The following ZMIZ1 variants were observed in gnomAD, a reference collection of about 807,000 sequenced individuals.
ZMIZ1 encodes the protein zinc finger MIZ-type containing 1.
In ZMIZ1, 17 loss-of-function variants were observed where a neutral mutation model predicts 113.9. The ratio of observed to expected loss-of-function variants is 0.15; its 90% CI spans 0.10 to 0.22. The LOEUF (loss-of-function observed/expected upper bound fraction) is 0.22, where lower values mean the gene tolerates loss of function less well. ZMIZ1 is among the 10% of genes least tolerant of loss of function. The pLI is 1.00. For synonymous variants in ZMIZ1, 607 were observed against 603.1 expected (o/e 1.01, Z -0.09); for missense variants, 1,059 against 1,477.8 (o/e 0.72, Z 4.65).
intron 7 of ZMIZ1, among the ~76,000 whole-genome samples, chr10:79,264,024 G>T (rs750193344): frequency 2.6e-5 from 4 of 152,240 alleles, no homozygotes; most frequent in African/African-American, 4.8e-5. Context: ...CTGAGAGCCA[G>T]CAACGGGCAG....
chr10:79,204,660 C>T (rs1038899233), intron 5 of ZMIZ1, among the ~76,000 whole-genome samples: 4 of 152,234 alleles, frequency 2.6e-5, no homozygotes, highest in Admixed American at 2.6e-4. Context: ...TCTAGCATAG[C>T]ATCCAGCTCA....
chr10:79,122,448 G>A (rs1844336478), intron 2 of ZMIZ1, among the ~76,000 whole-genome samples: 1 of 152,092 alleles, frequency 6.6e-6, no homozygotes, highest in African/African-American at 2.4e-5. Context: ...AATCCACCTG[G>A]CTGGGCAGTG....
intron 4 of ZMIZ1, among the ~76,000 whole-genome samples, chr10:79,165,683 C>T (rs1589365586): frequency 1.3e-5 from 2 of 152,300 alleles, no homozygotes; most frequent in East Asian, 3.9e-4. Flanking sequence ...CCCAAGCATT[C>T]AGGCCGGAGA....
chr10:79,174,600 G>A (rs143251039), intron 4 of ZMIZ1, among the ~76,000 whole-genome samples: 9 of 152,368 alleles, frequency 5.9e-5, no homozygotes, highest in Non-Finnish European at 1.3e-4. Flanking sequence ...GGGAAGGGAT[G>A]CTCATGTTGG....
chr10:79,183,553 C>T (rs938557376), intron 4 of ZMIZ1, among the ~76,000 whole-genome samples: 4 of 152,188 alleles, frequency 2.6e-5, no homozygotes, highest in Admixed American at 2.0e-4. Flanking sequence ...GAGACGGTAT[C>T]CCCATGGTTG....
At chr10:79,194,217 A>G (rs527255936) in intron 4 of ZMIZ1, among the ~76,000 whole-genome samples, 147 of 152,350 alleles carry the variant, frequency 9.6e-4, no homozygotes, top group African/African-American at 3.4e-3. Context: ...TTGCCTGTGC[A>G]AGCTGTCATG....
At chr10:79,126,856 C>T (rs1844532117) in intron 2 of ZMIZ1, among the ~76,000 whole-genome samples, 1 of 152,132 alleles carries the variant, frequency 6.6e-6, no homozygotes. Flanking sequence ...TATGGGCTTC[C>T]CCAGCACCTC....
At chr10:79,235,130 G>A (rs112313238) in intron 7 of ZMIZ1, among the ~76,000 whole-genome samples, 6,107 of 152,326 alleles carry the variant, frequency 0.04, 318 homozygotes, top group African/African-American at 0.12. Flanking sequence ...AGACATTCCT[G>A]TGCAGCCTGT....
intron 11 of ZMIZ1, among the ~76,000 whole-genome samples, chr10:79,292,611 G>A (rs1368786593): frequency 6.6e-6 from 1 of 152,106 alleles, no homozygotes; most frequent in Non-Finnish European, 1.5e-5. Context: ...CTGTGTGTTG[G>A]TGGCTCATGT....
chr10:79,255,511 G>C (rs185231647), intron 7 of ZMIZ1, among the ~76,000 whole-genome samples: 1 of 152,168 alleles, frequency 6.6e-6, no homozygotes, highest in African/African-American at 2.4e-5. Flanking sequence ...GTATATCTGC[G>C]TTCCTAACCA....
intron 5 of ZMIZ1, among the ~76,000 whole-genome samples, chr10:79,207,333 C>T (rs1045798611): frequency 6.6e-6 from 1 of 152,228 alleles, no homozygotes. Context: ...CAGGAGGACA[C>T]AGTCAGTTAC....
chr10:79,287,140 ACT>A (rs1452816437), intron 8 of ZMIZ1, among the ~76,000 whole-genome samples: 6 of 151,742 alleles, frequency 4.0e-5, no homozygotes, highest in Non-Finnish European at 1.5e-5. Context: ...TCCCTGTGAG[ACT>A]CTGGTGTGCC....
Position 79,306,186 on chromosome 10 carries a change from C to G in ZMIZ1, c.2510C>G (p.Pro837Arg), listed in dbSNP as rs1854679557. Residue 837 changes from proline to arginine, a missense_variant, in exon 22 of 25, where the codon CCT becomes CGT. Physicochemically the swap from Pro to Arg is moderately radical, Grantham distance 103. Around this residue, in one of 6 missense-constraint regions of ZMIZ1, gnomAD observed 217 missense variants for 426.9 expected, o/e 0.51. Transcript: ENST00000334512. Reference protein sequence around the residue: ...IKSDLHIKDDPDGIPSKRFKT... With the variant: ...IKSDLHIKDDRDGIPSKRFKT... ...TCGGACTTACACATCAAGGACGACC[C>G]TGATGGCATCCCCTCCAAGCGGTTC... is the stretch of plus-strand genomic sequence containing the variant. The G allele has an allele frequency of 1.9e-6, 3 of 1,614,056 alleles. No individual in the cohort carries two copies. Among genetic ancestry groups the G allele is most frequent in the Non-Finnish European group, 2.5e-6 (3 of 1,180,034 alleles).
chr10:79,092,036 G>C (rs1564644999), intron 1 of ZMIZ1, among the ~76,000 whole-genome samples: 1 of 152,150 alleles, frequency 6.6e-6, no homozygotes, highest in Non-Finnish European at 1.5e-5. Flanking sequence ...AGGGGCTGGT[G>C]CTGTTCCCAC....
chr10:79,240,940 A>C (rs890959678), intron 7 of ZMIZ1, among the ~76,000 whole-genome samples: 2 of 152,114 alleles, frequency 1.3e-5, no homozygotes, highest in African/African-American at 4.8e-5. Context: ...GGCTGGCCAC[A>C]TGGTACCAAC....
chr10:79,281,274 G>A (rs1852725724), intron 8 of ZMIZ1, among the ~76,000 whole-genome samples: 3 of 152,188 alleles, frequency 2.0e-5, no homozygotes, highest in Admixed American at 6.5e-5. Flanking sequence ...AAGACTCACT[G>A]GGGCCACGTT....
intron 24 of ZMIZ1, among the ~76,000 whole-genome samples, chr10:79,312,143 A>G (rs1251992782): frequency 6.6e-6 from 1 of 152,214 alleles, no homozygotes; most frequent in African/African-American, 2.4e-5. Flanking sequence ...CCGGGGCCAC[A>G]GGGAAGGATG....
chr10:79,143,859 CAG>C (rs1845373276), intron 3 of ZMIZ1, among the ~76,000 whole-genome samples: 1 of 152,164 alleles, frequency 6.6e-6, no homozygotes, highest in South Asian at 2.1e-4. Flanking sequence ...AGCCCGTCTG[CAG>C]AGTGAGTGCG....
intron 23 of ZMIZ1, among the ~76,000 whole-genome samples, chr10:79,310,097 A>C (rs1855017944): frequency 6.6e-6 from 1 of 152,140 alleles, no homozygotes; most frequent in African/African-American, 2.4e-5. Context: ...TATCTGTTAG[A>C]GAGGCACCGC....
Sources: allele counts gnomAD v4.1 joint callset (sites outside exome capture counted in the v4.1 genomes callset), GRCh38; gene constraint gnomAD v4.1.1; regional missense constraint gnomAD v4.1.1; transcripts MANE v1.5; gene names NCBI Gene and HGNC (gene_info 2026-07-23, HGNC 2026-07-21).